The following CSMD3 variants were observed in gnomAD, a reference collection of about 807,000 sequenced individuals.
CSMD3 encodes CUB and sushi domain-containing protein 3.
Under a neutral mutation model 435.2 loss-of-function variants are expected in CSMD3, and 177 were observed. That is an observed-to-expected ratio of 0.41 (90% CI 0.36 to 0.46). The LOEUF (loss-of-function observed/expected upper bound fraction) is 0.46. Among genes scored for constraint, CSMD3 ranks in the 20% least tolerant of loss-of-function variants. The pLI is 0.34. For synonymous variants in CSMD3, 1,656 were observed against 1,520.5 expected (o/e 1.09, Z -2.07); for missense variants, 4,265 against 4,504.6 (o/e 0.95, Z 1.52).
chr8:112,555,196 G>C (rs1828011186), intron 25 of CSMD3, among the ~76,000 whole-genome samples: 1 of 151,882 alleles, frequency 6.6e-6, no homozygotes, highest in Non-Finnish European at 1.5e-5. Flanking sequence ...GCATTGATTT[G>C]CTGCGAACAT....
At chr8:113,075,347 A>G (rs2089295174) in intron 5 of CSMD3, among the ~76,000 whole-genome samples, 2 of 151,836 alleles carry the variant, frequency 1.3e-5, no homozygotes, top group African/African-American at 4.8e-5. Flanking sequence ...GGAAAGCATT[A>G]ATCATATTAA....
intron 13 of CSMD3, among the ~76,000 whole-genome samples, chr8:112,781,422 A>G (rs2078383124): frequency 6.6e-6 from 1 of 152,138 alleles, no homozygotes; most frequent in South Asian, 2.1e-4. Context: ...TAAGGCACCC[A>G]ATAAATAACT....
intron 3 of CSMD3, among the ~76,000 whole-genome samples, chr8:113,254,961 T>C (rs2093367230): frequency 1.3e-5 from 2 of 152,150 alleles, no homozygotes; most frequent in South Asian, 2.1e-4. Context: ...ATTATACTAA[T>C]ACATTTGGAA....
At chr8:112,327,337 G>A (rs1823605586) in intron 45 of CSMD3, among the ~76,000 whole-genome samples, 1 of 152,030 alleles carries the variant, frequency 6.6e-6, no homozygotes, top group Non-Finnish European at 1.5e-5. Context: ...TAGACAAACT[G>A]GAAATAATCT....
intron 4 of CSMD3, among the ~76,000 whole-genome samples, chr8:113,112,228 A>T (rs1320405459): frequency 2.0e-5 from 3 of 151,238 alleles, no homozygotes; most frequent in Non-Finnish European, 2.9e-5. Context: ...CATGGTATGT[A>T]TGTGATTACA....
At chr8:112,961,915 T>C (rs1037574404) in intron 7 of CSMD3, among the ~76,000 whole-genome samples, 3 of 151,958 alleles carry the variant, frequency 2.0e-5, no homozygotes, top group African/African-American at 7.2e-5. Flanking sequence ...GTCAGGATTA[T>C]ATGAAAAATG....
intron 16 of CSMD3, among the ~76,000 whole-genome samples, chr8:112,672,431 A>G (rs957198152): frequency 6.6e-6 from 1 of 152,106 alleles, no homozygotes; most frequent in Non-Finnish European, 1.5e-5. Context: ...TGAGCTTGTT[A>G]AAATGCAGAT....
intron 38 of CSMD3, among the ~76,000 whole-genome samples, chr8:112,377,289 A>G (rs2131216289): frequency 6.6e-6 from 1 of 152,240 alleles, no homozygotes; most frequent in Admixed American, 6.5e-5. Context: ...AAAGTTACCA[A>G]GACTAAATTT....
chr8:112,935,856 G>C (rs1473666280), intron 9 of CSMD3, among the ~76,000 whole-genome samples: 1 of 152,042 alleles, frequency 6.6e-6, no homozygotes, highest in Non-Finnish European at 1.5e-5. Flanking sequence ...ATGTATTACA[G>C]ATGACAACAG....
At chr8:113,370,099 T>A (rs552437957) in intron 1 of CSMD3, among the ~76,000 whole-genome samples, 1 of 151,916 alleles carries the variant, frequency 6.6e-6, no homozygotes, top group African/African-American at 2.4e-5. Flanking sequence ...GTAATGTATA[T>A]ATTAATTAGC....
chr8:112,738,080 G>T (rs541448468), intron 13 of CSMD3, among the ~76,000 whole-genome samples: 38 of 151,756 alleles, frequency 2.5e-4, no homozygotes, highest in Non-Finnish European at 4.1e-4. Context: ...AAGACCTGAC[G>T]TTGGTTTATA....
intron 9 of CSMD3, among the ~76,000 whole-genome samples, chr8:112,934,567 A>T (rs1164356745): frequency 6.6e-6 from 1 of 152,106 alleles, no homozygotes; most frequent in Non-Finnish European, 1.5e-5. Flanking sequence ...ATATCATACC[A>T]TTTTGCTGTG....
intron 6 of CSMD3, among the ~76,000 whole-genome samples, chr8:112,990,466 G>C (rs1159531882): frequency 6.6e-6 from 1 of 151,760 alleles, no homozygotes; most frequent in East Asian, 1.9e-4. Context: ...TTTTACGGAA[G>C]TATTTAATAG....
At chr8:112,365,160 T>C (rs1372788337) in intron 38 of CSMD3, among the ~76,000 whole-genome samples, 1 of 152,108 alleles carries the variant, frequency 6.6e-6, no homozygotes, top group Non-Finnish European at 1.5e-5. Flanking sequence ...TTGCCTTAAT[T>C]TTCCTATGTC....
Position 112,462,054 on chromosome 8 carries a change from T to C in CSMD3, c.5395+10537A>G, listed in dbSNP as rs138437696. 9.5e-4 allele frequency among the ~76,000 whole-genome samples: 144 copies of C among 152,340 alleles called. No homozygotes were observed. In the East Asian group the frequency reaches 0.024, roughly 25 times the overall value. ...GACCAGAAAGCTTAAGTAATTTGCT[T>C]AAAGTCACATGGCCAATTAGAGGCA... On this transcript the variant is annotated intron_variant, in intron 32 of 70. Coordinates refer to ENST00000297405, the MANE Select transcript of CSMD3 (RefSeq NM_198123.2).
chr8:113,397,776 C>T (rs2094490517), intron 1 of CSMD3, among the ~76,000 whole-genome samples: 3 of 151,744 alleles, frequency 2.0e-5, no homozygotes, highest in African/African-American at 7.3e-5. Context: ...TGAGATCACC[C>T]TACTGCACTC....
chr8:112,542,737 C>A (rs1252367454), intron 27 of CSMD3, among the ~76,000 whole-genome samples: 11 of 151,734 alleles, frequency 7.2e-5, no homozygotes, highest in Admixed American at 7.2e-4. Flanking sequence ...CACATGAAAC[C>A]AAAAATAACT....
At chr8:113,128,855 T>A (rs762397055) in intron 4 of CSMD3, among the ~76,000 whole-genome samples, 2 of 152,066 alleles carry the variant, frequency 1.3e-5, no homozygotes, top group African/African-American at 4.8e-5. Context: ...CGAATACAGT[T>A]TTTGAGGCAT....
At chr8:112,505,343 A>T (rs893597970) in intron 29 of CSMD3, among the ~76,000 whole-genome samples, 16 of 152,186 alleles carry the variant, frequency 1.1e-4, no homozygotes, top group Admixed American at 6.6e-5. Context: ...AGCAGAAGTC[A>T]GAAGATTAAA....
Sources: gnomAD v4.1 joint callset for allele counts (sites outside exome capture counted in the v4.1 genomes callset) on GRCh38, gnomAD v4.1.1 for gene constraint, MANE v1.5 for transcripts, NCBI Gene and HGNC (gene_info 2026-07-23, HGNC 2026-07-21) for gene names.